Variants in AKAP8L observed in about 807,000 individuals in gnomAD.
The protein encoded by AKAP8L is A-kinase anchor protein 8-like.
In AKAP8L, 34 loss-of-function variants were observed where a neutral mutation model predicts 77.5. The observed-to-expected ratio is 0.44, with a 90% CI of 0.33 to 0.58. The LOEUF (loss-of-function observed/expected upper bound fraction) is 0.58, where lower values mean the gene tolerates loss of function less well. Ranked by LOEUF, AKAP8L falls within the 20% of genes least tolerant of loss-of-function variation. The pLI is 0.02. For synonymous variants in AKAP8L, 342 were observed against 340.7 expected, an observed-to-expected ratio of 1.00 and a Z score of -0.04; for missense variants, 806 against 887.6, an observed-to-expected ratio of 0.91 and a Z score of 1.17.
intron 12 of AKAP8L, chr19:15,383,420 C>T (rs1967460678): frequency 6.6e-6 from 1 of 152,154 alleles, no homozygotes; most frequent in Non-Finnish European, 1.5e-5. Flanking sequence ...TGGTCAGGAA[C>T]TCCTGGGCTC....
intron 1 of AKAP8L, 63 bp downstream of exon 1, chr19:15,418,848 C>T: frequency 1.3e-6 from 2 of 1,515,634 alleles, no homozygotes; most frequent in South Asian, 1.1e-5. Flanking sequence ...AAGCCTGGTG[C>T]GGCATCCGCA....
intron 12 of AKAP8L, among the ~76,000 whole-genome samples, chr19:15,391,438 A>AC (rs1967656858): frequency 8.9e-6 from 1 of 112,558 alleles, no homozygotes; most frequent in African/African-American, 3.4e-5. Context: ...AGCCAGGGCG[A>AC]CAGAGTGAGA....
At chr19:15,387,913 C>T (rs756587484) in intron 12 of AKAP8L, among the ~76,000 whole-genome samples, 78 of 151,286 alleles carry the variant, frequency 5.2e-4, no homozygotes, top group Non-Finnish European at 9.7e-4. Context: ...AAGCCAAGAT[C>T]GCGCCACTGC....
Position 15,397,821 on chromosome 19 carries a change from TC to T in AKAP8L, c.1191del (p.Thr398ProfsTer23). On this transcript the variant is annotated frameshift_variant, in exon 10 of 14. Transcript: ENST00000397410. LOFTEE classifies it high-confidence loss of function. This position sits in a 1 kb window ranked among gnomAD's most constrained non-coding sequence, Gnocchi z 4.7. ...IQFVCSLCKY[R>X]TFYEDEMASH... ...CTGGCCATCTCGTCCTCATAGAAGG[TC>T]CGGTATTTGCACAGAGAACACACAA... 1 of 1,613,802 alleles carries T rather than the reference TC, an allele frequency of 6.2e-7. No individual in the cohort carries two copies. Among genetic ancestry groups the T allele is most frequent in the Non-Finnish European group, 8.5e-7 (1 of 1,179,850 alleles).
At position 15,397,180 on chromosome 19, in the gene AKAP8L, C is replaced by T; in HGVS notation, c.1506G>A (p.Leu502=). Residue 502 remains leucine, a synonymous_variant, in exon 12 of 14, where the codon CTG becomes CTA. Coordinates refer to ENST00000397410, the MANE Select transcript of AKAP8L (RefSeq NM_014371.4). The surrounding 1 kb of genome is among the most constrained non-coding windows in gnomAD (Gnocchi z 4.7). ...GGTTCCGGTTGTGATCCATGGTCTT[C>T]AGATGCTTCTGGATGATCCCAAACT... The part of the protein sequence containing the change: ...PMQFGIIQKH[L]KTMDHNRNRR... The T allele has an allele frequency of 3.1e-6, 5 of 1,613,994 alleles. No homozygotes were observed. Among genetic ancestry groups the T allele is most frequent in the Non-Finnish European group, 4.2e-6 (5 of 1,179,898 alleles).
At chr19:15,385,858 C>T (rs1349190626) in intron 12 of AKAP8L, among the ~76,000 whole-genome samples, 1 of 152,038 alleles carries the variant, frequency 6.6e-6, no homozygotes, top group African/African-American at 2.4e-5. Flanking sequence ...CTCAGTCTCC[C>T]CAAGTGCTGG....
At position 15,403,695 on chromosome 19, in the gene AKAP8L, C is replaced by T; in HGVS notation, c.142G>A (p.Gly48Ser). ...TNRGYEGYGY[G>S]YGYGQDNTTN... ...GTGTTATCCTGGCCATAGCCATAGC[C>T]ATAGCCATAGCCCTCGTAGCCTGCA... The change falls in exon 4 of 14, where the codon GGC becomes AGC. Residue 48 changes from glycine (G) to serine (S), a missense_variant. By Grantham distance (56) the Gly-to-Ser change is moderately conservative. This residue lies in a region of AKAP8L where 580 missense variants were observed against 694.1 expected (regional missense o/e 0.84). Transcript: ENST00000397410. The surrounding 1 kb of genome is among the most constrained non-coding windows in gnomAD (Gnocchi z 4.3). 4 of 1,593,944 alleles carry T rather than the reference C, an allele frequency of 2.5e-6. No homozygotes were observed. The highest frequency in any genetic ancestry group is 3.4e-6 in the Non-Finnish European group (4 of 1,170,010).
intron 1 of AKAP8L, among the ~76,000 whole-genome samples, chr19:15,411,823 G>T (rs747768906): frequency 4.2e-4 from 64 of 152,048 alleles, no homozygotes; most frequent in Admixed American, 1.5e-3. Flanking sequence ...GAGGCCAAGG[G>T]GGGGTGGACT....
rs933240184 is a variant in AKAP8L at position 15,403,905 on chromosome 19, A to G, written c.121+105T>C. The G allele has an allele frequency of 1.4e-6, 2 of 1,381,962 alleles. No homozygotes were observed. Among genetic ancestry groups the G allele is most frequent in the Admixed American group, 1.9e-5 (1 of 53,794 alleles). 85.6% of individuals were successfully genotyped at this position (1,381,962 alleles called of 1,614,324 possible). ...TTAAGGAGTAGGTAACCCCAGAAAC[A>G]TGCCCCCTCCCCACTCCCAACCTTG... On this transcript the variant is annotated intron_variant, in intron 3 of 13. Coordinates refer to ENST00000397410, the MANE Select transcript of AKAP8L (RefSeq NM_014371.4). This position sits in a 1 kb window ranked among gnomAD's most constrained non-coding sequence, Gnocchi z 4.3.
At chr19:15,406,703 A>G (rs1968008813) in intron 2 of AKAP8L, among the ~76,000 whole-genome samples, 1 of 151,832 alleles carries the variant, frequency 6.6e-6, no homozygotes, top group Non-Finnish European at 1.5e-5. Flanking sequence ...CTGGGGGCTC[A>G]AGCCTCCCAT....
rs1369033873 is a variant in AKAP8L, at chr19:15,380,109, C to A, written c.*13G>T. ...GCTTCGGCCACGCGGGCTCCGCCCG[C>A]CCCGAGCTCGGGTCACGGGGCGCCC... On this transcript the variant is annotated 3_prime_UTR_variant, in exon 14 of 14. Coordinates refer to ENST00000397410, the MANE Select transcript of AKAP8L (RefSeq NM_014371.4). 2.7e-6 allele frequency: 4 copies of A among 1,471,834 alleles called. No homozygotes were observed. In the African/African-American group the frequency reaches 4.5e-5, roughly 16 times the overall value. The allele number at this position is 1,471,834 out of a possible 1,614,324, so 91.2% of individuals were successfully genotyped here.
chr19:15,404,587 C>T (rs1296491515), intron 2 of AKAP8L, among the ~76,000 whole-genome samples: 1 of 152,222 alleles, frequency 6.6e-6, no homozygotes, highest in African/African-American at 2.4e-5. Flanking sequence ...CTCATTCCTT[C>T]AGTAACATAA....
Position 15,397,577 on chromosome 19 carries a change from C to T in AKAP8L, c.1348G>A (p.Val450Met), listed in dbSNP as rs780547911. The change falls in exon 11 of 14, where the codon GTG (valine) becomes ATG (methionine). Residue 450 changes from valine (V) to methionine (M), a missense_variant. Val to Met is a conservative substitution (Grantham distance 21). Coordinates refer to ENST00000397410, the MANE Select transcript of AKAP8L (RefSeq NM_014371.4). This position sits in a 1 kb window ranked among gnomAD's most constrained non-coding sequence, Gnocchi z 4.7. The part of the protein sequence containing the change: ...TKKTEELRKT[V>M]EDLDGLIQQI... ...TGGATGAGGCCATCAAGGTCCTCCA[C>T]GGTTTTTCGGAGCTCCTCTGTCTTC... The T allele has an allele frequency of 2.2e-5, 36 of 1,613,766 alleles. No individual in the cohort carries two copies. The highest frequency in any genetic ancestry group is 1.7e-4 in the Middle Eastern group (1 of 6,042).
chr19:15,404,548 C>T (rs540006945), intron 2 of AKAP8L, among the ~76,000 whole-genome samples: 1 of 152,328 alleles, frequency 6.6e-6, no homozygotes, highest in South Asian at 2.1e-4. Context: ...TTAATATGCT[C>T]TGGATTCAAT....
intron 12 of AKAP8L, among the ~76,000 whole-genome samples, chr19:15,382,225 TA>T (rs35395201): frequency 0.77 from 111,341 of 145,096 alleles, 42,807 homozygotes; most frequent in East Asian, 0.98. Context: ...TTTTTTTTTT[TA>T]AGACAGTCTC....
chr19:15,387,532 A>G (rs771909558), intron 12 of AKAP8L, among the ~76,000 whole-genome samples: 9 of 152,090 alleles, frequency 5.9e-5, no homozygotes, highest in Non-Finnish European at 1.2e-4. Flanking sequence ...CATAAAAAAG[A>G]AGGACCGGTA....
chr19:15,396,220 T>C (rs965613991), intron 12 of AKAP8L, among the ~76,000 whole-genome samples: 4 of 151,992 alleles, frequency 2.6e-5, no homozygotes, highest in Non-Finnish European at 5.9e-5. Context: ...CTGCTTCCCA[T>C]GCTCACCTTG....
chr19:15,413,957 C>G (rs960481688), intron 1 of AKAP8L, among the ~76,000 whole-genome samples: 1 of 152,156 alleles, frequency 6.6e-6, no homozygotes, highest in African/African-American at 2.4e-5. Context: ...TGCTCTAACT[C>G]TATACCCTGC....
At chr19:15,387,197 T>C (rs1361469592) in intron 12 of AKAP8L, among the ~76,000 whole-genome samples, 9 of 152,236 alleles carry the variant, frequency 5.9e-5, no homozygotes, top group Admixed American at 5.9e-4. Context: ...CAGCCTACTG[T>C]ACCTCCTCCC....
Sources: gnomAD v4.1 joint callset for allele counts (sites outside exome capture counted in the v4.1 genomes callset) on GRCh38, gnomAD v4.1.1 for gene constraint, gnomAD v4.1.1 regional missense constraint, Gnocchi (gnomAD v3.1) non-coding constraint, MANE v1.5 for transcripts, NCBI Gene and HGNC (gene_info 2026-07-23, HGNC 2026-07-21) for gene names.